Variants in SKIL observed in about 807,000 individuals in gnomAD.
SKIL encodes the protein ski-like protein.
In SKIL, 20 loss-of-function variants were observed where a neutral mutation model predicts 69.6. That is an observed-to-expected ratio of 0.29 (90% CI 0.20 to 0.42). SKIL has a LOEUF of 0.42. Ranked by LOEUF, SKIL falls within the 10% of genes least tolerant of loss-of-function variation. The pLI is 1.00. For missense variants in SKIL, 745 were observed against 783.1 expected (o/e 0.95, Z 0.58); for synonymous variants, 310 against 279.9 (o/e 1.11, Z -1.08).
intron 2 of SKIL, among the ~76,000 whole-genome samples, chr3:170,363,725 TCCA>T (rs1351377496): frequency 6.6e-6 from 1 of 152,164 alleles, no homozygotes; most frequent in Non-Finnish European, 1.5e-5. Flanking sequence ...CCTCGGGTGA[TCCA>T]CCCGCCTTGG....
chr3:170,373,628 G>A (rs1328441129), intron 2 of SKIL, among the ~76,000 whole-genome samples: 1 of 152,182 alleles, frequency 6.6e-6, no homozygotes. Context: ...GTAATCTGAT[G>A]CTGTAATTAA....
At chr3:170,367,894 T>C (rs746538508) in intron 2 of SKIL, among the ~76,000 whole-genome samples, 10 of 152,204 alleles carry the variant, frequency 6.6e-5, no homozygotes, top group Non-Finnish European at 1.2e-4. Flanking sequence ...GACCTAAAGA[T>C]AGCAACTTAA....
At chr3:170,378,646 G>T (rs965411139) in intron 2 of SKIL, among the ~76,000 whole-genome samples, 2 of 145,702 alleles carry the variant, frequency 1.4e-5, no homozygotes, top group African/African-American at 5.0e-5. Context: ...CTGCCTCCCG[G>T]ATTCAAGTGA....
At chr3:170,384,811 C>T in intron 4 of SKIL, 46 bp downstream of exon 4, 1 of 1,001,612 alleles carries the variant, frequency 1.0e-6, no homozygotes, top group Non-Finnish European at 1.5e-6. Flanking sequence ...ATCTAATGAA[C>T]ACATTTATTG....
At chr3:170,379,656 G>GT (rs1355332548) in intron 2 of SKIL, among the ~76,000 whole-genome samples, 4 of 151,834 alleles carry the variant, frequency 2.6e-5, no homozygotes, top group East Asian at 1.9e-4. Flanking sequence ...GTTTTGTTTT[G>GT]TTTTTTGAGA....
chr3:170,379,769 G>A (rs1395967551), intron 2 of SKIL, among the ~76,000 whole-genome samples: 2 of 152,004 alleles, frequency 1.3e-5, no homozygotes, highest in Non-Finnish European at 2.9e-5. Context: ...TCAGCCTCCC[G>A]AGTAGCTGGG....
intron 2 of SKIL, among the ~76,000 whole-genome samples, chr3:170,376,596 G>C (rs553618705): frequency 3.9e-5 from 6 of 152,062 alleles, no homozygotes; most frequent in African/African-American, 1.4e-4. Context: ...TTTTTAACGA[G>C]ACAGGGTCTG....
Position 170,361,329 on chromosome 3 carries a change from A to G in SKIL, c.998A>G (p.Gln333Arg), listed in dbSNP as rs779859395. The G allele has an allele frequency of 4.3e-6, 7 of 1,613,478 alleles. No homozygotes were observed. Among genetic ancestry groups the G allele is most frequent in the South Asian group, 1.1e-5 (1 of 90,804 alleles). ...TGGCATTGCTATCTTCATGTGAACC[A>G]AAAATACTTAGGAACACCTGAAGAA... is the stretch of plus-strand genomic sequence containing the variant. Reference protein sequence around the residue: ...AKWHCYLHVNQKYLGTPEEKK... With the variant: ...AKWHCYLHVNRKYLGTPEEKK... The change falls in exon 2 of 7, where the codon CAA (glutamine) becomes CGA (arginine). Residue 333 changes from glutamine to arginine, a missense_variant. Transcript: ENST00000259119.
At chr3:170,374,117 A>G (rs1310013316) in intron 2 of SKIL, among the ~76,000 whole-genome samples, 1 of 152,250 alleles carries the variant, frequency 6.6e-6, no homozygotes, top group Non-Finnish European at 1.5e-5. Flanking sequence ...AGGGTCACGT[A>G]TACAGAATAA....
At chr3:170,379,913 G>A (rs1306509343) in intron 2 of SKIL, among the ~76,000 whole-genome samples, 1 of 152,160 alleles carries the variant, frequency 6.6e-6, no homozygotes, top group African/African-American at 2.4e-5. Context: ...CACAGTGCTG[G>A]AATTACAGGT....
chr3:170,361,182 C>G lies in SKIL; in HGVS notation c.851C>G (p.Pro284Arg), dbSNP rs763108893. 1 of 1,614,238 alleles carries G rather than the reference C, an allele frequency of 6.2e-7. No individual in the cohort carries two copies. Among genetic ancestry groups the G allele is most frequent in the South Asian group, 1.1e-5 (1 of 91,088 alleles). Residue 284 changes from proline (P) to arginine (R), a missense_variant, in exon 2 of 7, where the codon CCT becomes CGT. Coordinates refer to ENST00000259119, the MANE Select transcript of SKIL (RefSeq NM_005414.5). ...TTTGCACCCCAGTTTTATGTTCAGCCTGATGCTCCGTGTATTCAATGTCTG... is the reference window on the plus strand; with the variant it reads ...TTTGCACCCCAGTTTTATGTTCAGCGTGATGCTCCGTGTATTCAATGTCTG... ...GLFAPQFYVQPDAPCIQCLEC... is the reference protein window; with the variant it reads ...GLFAPQFYVQRDAPCIQCLEC...
chr3:170,376,200 A>ACC (rs1199983622), intron 2 of SKIL, among the ~76,000 whole-genome samples: 4 of 151,590 alleles, frequency 2.6e-5, no homozygotes, highest in African/African-American at 9.7e-5. Context: ...GGGATGCACC[A>ACC]CCATGCCCAG....
Position 170,378,553 on chromosome 3 carries a change from CTT to C in SKIL, c.1099-2677_1099-2676del, listed in dbSNP as rs373084445. 1.3e-4 allele frequency among the ~76,000 whole-genome samples: 15 copies of C among 119,002 alleles called. 1 individual carries two copies. Among genetic ancestry groups the C allele is most frequent in the South Asian group, 5.3e-4 (2 of 3,752 alleles). 78.1% of individuals were successfully genotyped at this position (119,002 alleles called of 152,430 possible). On this transcript the variant is annotated intron_variant, in intron 2 of 6. Coordinates refer to ENST00000259119, the MANE Select transcript of SKIL (RefSeq NM_005414.5). ...TGGGAATTGGACTCTCTCTCTCTCTCTTTTTTTTTTTTTTTGGAGACAAAGTC... is the reference window on the plus strand; with the variant it reads ...TGGGAATTGGACTCTCTCTCTCTCTCTTTTTTTTTTTTTGGAGACAAAGTC...
At chr3:170,362,560 A>T (rs544447722) in intron 2 of SKIL, among the ~76,000 whole-genome samples, 2 of 151,400 alleles carry the variant, frequency 1.3e-5, no homozygotes, top group African/African-American at 4.9e-5. Flanking sequence ...ATGGCTCACA[A>T]TCCCAGCACT....
intron 2 of SKIL, among the ~76,000 whole-genome samples, chr3:170,380,509 T>G (rs1009710706): frequency 6.6e-6 from 1 of 151,890 alleles, no homozygotes; most frequent in Non-Finnish European, 1.5e-5. Context: ...CTGGGTGTGG[T>G]GGTGGGTGCC....
chr3:170,366,686 C>G (rs866328725), intron 2 of SKIL, among the ~76,000 whole-genome samples: 3 of 97,522 alleles, frequency 3.1e-5, no homozygotes, highest in Admixed American at 1.1e-4. Flanking sequence ...CACACACACA[C>G]ACACACACAG....
chr3:170,384,666 A>G lies in SKIL; in HGVS notation c.1330A>G (p.Ser444Gly). 4 of 1,612,258 alleles carry G rather than the reference A, an allele frequency of 2.5e-6. No individual in the cohort carries two copies. Among genetic ancestry groups the G allele is most frequent in the Non-Finnish European group, 3.4e-6 (4 of 1,178,342 alleles). ...AAGACAGTCAGAGAAGGCTCACAGT[A>G]GTGGTAAACTTCAAAAAACAGTGTC... ...ISRQSEKAHS[S>G]GKLQKTVSYP... The change falls in exon 4 of 7, where the codon AGT (serine) becomes GGT (glycine). Residue 444 changes from serine (S) to glycine (G), a missense_variant. Coordinates refer to ENST00000259119, the MANE Select transcript of SKIL (RefSeq NM_005414.5).
intron 2 of SKIL, among the ~76,000 whole-genome samples, chr3:170,376,273 C>T (rs1577426750): frequency 1.3e-5 from 2 of 151,854 alleles, no homozygotes; most frequent in East Asian, 1.9e-4. Flanking sequence ...TTTCGAACTC[C>T]GGACCTCAAA....
chr3:170,385,796 CTTTCTTTTT>C (rs1458453652), intron 4 of SKIL, among the ~76,000 whole-genome samples: 2 of 150,116 alleles, frequency 1.3e-5, no homozygotes, highest in African/African-American at 4.9e-5. Flanking sequence ...TTCTTTCTTT[CTTTCTTTTT>C]TTTCTTTTTT....
Sources: gnomAD v4.1 joint callset for allele counts (sites outside exome capture counted in the v4.1 genomes callset) on GRCh38, gnomAD v4.1.1 for gene constraint, MANE v1.5 for transcripts, NCBI Gene and HGNC (gene_info 2026-07-23, HGNC 2026-07-21) for gene names.